PTPRD: variants seen among roughly 807,000 people sequenced by gnomAD.
PTPRD encodes protein tyrosine phosphatase receptor type D, also known as receptor-type tyrosine-protein phosphatase delta.
PTPRD carries 34 observed loss-of-function variants against 214.5 expected under a neutral mutation model. That is an observed-to-expected ratio of 0.16 (90% CI 0.12 to 0.21). The LOEUF (loss-of-function observed/expected upper bound fraction) is 0.21, where lower values mean the gene tolerates loss of function less well. PTPRD is among the 10% of genes least tolerant of loss of function. The pLI is 1.00. For missense variants in PTPRD, 2,545 were observed against 2,398.7 expected (o/e 1.06, Z -1.27); for synonymous variants, 1,128 against 845.7 (o/e 1.33, Z -5.79).
At chr9:9,574,006 G>A (rs2087503682) in intron 8 of PTPRD, among the ~76,000 whole-genome samples, 1 of 151,540 alleles carries the variant, frequency 6.6e-6, no homozygotes, top group South Asian at 2.1e-4. Flanking sequence ...CACATTATCT[G>A]GATTTTATAT....
chr9:9,077,980 G>A (rs1302460959), intron 10 of PTPRD, among the ~76,000 whole-genome samples: 1 of 152,004 alleles, frequency 6.6e-6, no homozygotes, highest in Non-Finnish European at 1.5e-5. Flanking sequence ...ATAAGAAAAA[G>A]GAAAAAGTTT....
chr9:9,672,231 A>G (rs1435983600), intron 7 of PTPRD, among the ~76,000 whole-genome samples: 1 of 152,202 alleles, frequency 6.6e-6, no homozygotes, highest in Non-Finnish European at 1.5e-5. Context: ...TTCTGAAAAC[A>G]GTAAATTTTT....
intron 39 of PTPRD, among the ~76,000 whole-genome samples, chr9:8,365,294 A>AG (rs1343658698): frequency 1.3e-5 from 2 of 152,186 alleles, no homozygotes; most frequent in African/African-American, 2.4e-5. Flanking sequence ...CTTGAATTAC[A>AG]GGAAGATGTA....
chr9:8,997,667 G>A (rs1241466493), intron 11 of PTPRD, among the ~76,000 whole-genome samples: 1 of 152,066 alleles, frequency 6.6e-6, no homozygotes, highest in Non-Finnish European at 1.5e-5. Flanking sequence ...CAAGTGAAAG[G>A]AAGAGTCACA....
chr9:9,202,750 G>A (rs1266304780), intron 9 of PTPRD, among the ~76,000 whole-genome samples: 3 of 152,246 alleles, frequency 2.0e-5, no homozygotes, highest in Admixed American at 1.3e-4. Context: ...GACATGCTCA[G>A]TTAGCACTGA....
intron 22 of PTPRD, among the ~76,000 whole-genome samples, chr9:8,506,395 T>C (rs557182875): frequency 6.6e-6 from 1 of 152,320 alleles, no homozygotes; most frequent in South Asian, 2.1e-4. Flanking sequence ...TACTATTATG[T>C]ATTCTCATTC....
At chr9:9,722,383 A>C (rs539972105) in intron 7 of PTPRD, among the ~76,000 whole-genome samples, 30 of 152,182 alleles carry the variant, frequency 2.0e-4, no homozygotes, top group South Asian at 4.1e-4. Context: ...CATTCATATT[A>C]CAGCACGTAA....
intron 2 of PTPRD, among the ~76,000 whole-genome samples, chr9:10,360,721 T>C (rs774380162): frequency 3.3e-5 from 5 of 152,336 alleles, no homozygotes; most frequent in African/African-American, 4.8e-5. Context: ...TAATGATATT[T>C]ACTGTATTAA....
In PTPRD at chr9:10,536,184, A is replaced by C. The variant is rs542832232; in HGVS notation, c.-600+76214T>G. Among the ~76,000 whole-genome samples, 3 of 152,218 alleles carry C rather than the reference A, an allele frequency of 2.0e-5. No individual in the cohort carries two copies. In the East Asian group the frequency reaches 5.8e-4, roughly 29 times the overall value. On this transcript the variant is annotated intron_variant, in intron 2 of 45. Transcript: ENST00000381196. ...GTCTGCTTAAGAAACTCCAAATATT[A>C]CTGTGATACACATATACAGGTGAAT...
At chr9:9,357,772 C>T (rs190108044) in intron 9 of PTPRD, among the ~76,000 whole-genome samples, 4 of 150,766 alleles carry the variant, frequency 2.7e-5, no homozygotes, top group Admixed American at 2.0e-4. Flanking sequence ...TAGGTTGACC[C>T]TGTCTCAAGC....
chr9:9,535,859 G>A (rs950515631), intron 8 of PTPRD, among the ~76,000 whole-genome samples: 5 of 152,134 alleles, frequency 3.3e-5, no homozygotes, highest in Non-Finnish European at 5.9e-5. Flanking sequence ...CACAGGAGAA[G>A]GAGGTACAGG....
intron 7 of PTPRD, among the ~76,000 whole-genome samples, chr9:9,659,728 T>C (rs2096587175): frequency 6.6e-6 from 1 of 152,122 alleles, no homozygotes; most frequent in Admixed American, 6.6e-5. Flanking sequence ...TCATTGCTAT[T>C]TGCATTCCTA....
chr9:9,425,284 C>T (rs560660986), intron 8 of PTPRD, among the ~76,000 whole-genome samples: 2 of 151,506 alleles, frequency 1.3e-5, no homozygotes, highest in East Asian at 1.9e-4. Flanking sequence ...AGTTCCATGA[C>T]GTTCAGAATC....
At chr9:8,565,361 G>C (rs949357321) in intron 14 of PTPRD, among the ~76,000 whole-genome samples, 1 of 152,096 alleles carries the variant, frequency 6.6e-6, no homozygotes, top group African/African-American at 2.4e-5. Flanking sequence ...AACCATATTT[G>C]GTTGCTTAAG....
chr9:9,034,147 C>T (rs560190864), intron 10 of PTPRD, among the ~76,000 whole-genome samples: 6 of 152,280 alleles, frequency 3.9e-5, no homozygotes, highest in South Asian at 2.1e-4. Flanking sequence ...GTGAGTATTG[C>T]ACAGTGCACC....
At chr9:9,643,656 A>G (rs1327609727) in intron 7 of PTPRD, among the ~76,000 whole-genome samples, 1 of 152,040 alleles carries the variant, frequency 6.6e-6, no homozygotes. Context: ...AACAAAATCT[A>G]TTTTTCTAAA....
At chr9:9,109,151 T>C (rs2099802682) in intron 10 of PTPRD, among the ~76,000 whole-genome samples, 1 of 152,190 alleles carries the variant, frequency 6.6e-6, no homozygotes. Context: ...ATTTATAAGA[T>C]TGTATCCTGC....
intron 3 of PTPRD, among the ~76,000 whole-genome samples, chr9:10,293,909 T>C (rs2095601959): frequency 6.6e-6 from 1 of 151,922 alleles, no homozygotes; most frequent in African/African-American, 2.4e-5. Context: ...GTGGGCAAAA[T>C]GTTTTCTGCA....
At chr9:8,743,012 CAAG>C (rs988535294) in intron 11 of PTPRD, among the ~76,000 whole-genome samples, 2 of 148,528 alleles carry the variant, frequency 1.3e-5, no homozygotes, top group Admixed American at 6.8e-5. Context: ...TGCCCCCCAA[CAAG>C]AAATTATCCC....
Sources: allele counts gnomAD v4.1 joint callset (sites outside exome capture counted in the v4.1 genomes callset), GRCh38; gene constraint gnomAD v4.1.1; transcripts MANE v1.5; gene names NCBI Gene and HGNC (gene_info 2026-07-23, HGNC 2026-07-21).